Variants in WASF2 observed in about 807,000 individuals in gnomAD.
WASF2 encodes actin-binding protein WASF2.
WASF2 carries 14 observed loss-of-function variants against 45.0 expected under a neutral mutation model. The ratio of observed to expected loss-of-function variants is 0.31; its 90% CI spans 0.21 to 0.49. The LOEUF is 0.49. Ranked by LOEUF, WASF2 falls within the 20% of genes least tolerant of loss-of-function variation. The probability of loss-of-function intolerance (pLI) is 0.99; values close to 1 mark genes in which losing one functional copy is unlikely to be tolerated. For missense variants in WASF2, 439 were observed against 636.1 expected (o/e 0.69, Z 3.33); for synonymous variants, 200 against 236.3 (o/e 0.85, Z 1.41).
intron 1 of WASF2, among the ~76,000 whole-genome samples, chr1:27,469,298 T>C (rs553449511): frequency 1.2e-4 from 19 of 152,294 alleles, no homozygotes; most frequent in Non-Finnish European, 1.8e-4. Flanking sequence ...CCTCACTATA[T>C]CACCCTCTCC....
chr1:27,412,552 G>A lies in WASF2; in HGVS notation c.824+20C>T, dbSNP rs1222883421. ...AGTGTATAACTACCAATAGTGGATG[G>A]AGTAGGTACCACCATTTACCTGAAT... On this transcript the variant is annotated intron_variant, in intron 7 of 8. Transcript: ENST00000618852. 3.7e-6 allele frequency: 6 copies of A among 1,613,908 alleles called. No individual in the cohort carries two copies. The Admixed American group carries it at 1.0e-4, about 27-fold the overall frequency.
At chr1:27,415,076 A>C in intron 5 of WASF2, 113 bp from the exon 6 acceptor site, 2 of 1,327,230 alleles carry the variant, frequency 1.5e-6, no homozygotes, top group Non-Finnish European at 2.1e-6. Context: ...TAGACAACAT[A>C]CAATAACTAC....
At chr1:27,430,952 A>G (rs1032890809) in intron 1 of WASF2, among the ~76,000 whole-genome samples, 4 of 152,312 alleles carry the variant, frequency 2.6e-5, no homozygotes. Flanking sequence ...AAAGAGAAAA[A>G]AAAATCTTTC....
intron 1 of WASF2, among the ~76,000 whole-genome samples, chr1:27,465,951 C>G (rs542257201): frequency 1.3e-5 from 2 of 152,262 alleles, no homozygotes; most frequent in Admixed American, 6.5e-5. Context: ...TGAAGAACTT[C>G]CCACTGGTCC....
intron 1 of WASF2, among the ~76,000 whole-genome samples, chr1:27,472,705 G>A (rs1450977090): frequency 2.8e-5 from 4 of 143,850 alleles, no homozygotes; most frequent in Non-Finnish European, 6.0e-5. Flanking sequence ...GCTCATGCCT[G>A]TAACCCCAGC....
chr1:27,463,092 G>A (rs2017568869), intron 1 of WASF2, among the ~76,000 whole-genome samples: 1 of 152,146 alleles, frequency 6.6e-6, no homozygotes, highest in Non-Finnish European at 1.5e-5. Context: ...ATTGCTGGAA[G>A]TACAGGCATG....
intron 1 of WASF2, among the ~76,000 whole-genome samples, chr1:27,448,608 T>A (rs1452970531): frequency 1.3e-5 from 2 of 152,062 alleles, no homozygotes; most frequent in Non-Finnish European, 2.9e-5. Flanking sequence ...CCCAGCACTT[T>A]GGGAGGCCGA....
At chr1:27,464,097 C>T (rs1221250540) in intron 1 of WASF2, among the ~76,000 whole-genome samples, 3 of 151,854 alleles carry the variant, frequency 2.0e-5, no homozygotes, top group Non-Finnish European at 4.4e-5. Flanking sequence ...ACAGTACTTT[C>T]AGCTGGGCAT....
At chr1:27,452,617 G>C (rs2017399389) in intron 1 of WASF2, among the ~76,000 whole-genome samples, 1 of 151,636 alleles carries the variant, frequency 6.6e-6, no homozygotes, top group Admixed American at 6.6e-5. Context: ...AGGAGTTCGA[G>C]ACCAGCCTGG....
At position 27,481,934 on chromosome 1, in the gene WASF2, G is replaced by C. The variant is rs114691475; in HGVS notation, c.-44+8052C>G. On this transcript the variant is annotated intron_variant, in intron 1 of 8. Transcript: ENST00000618852. The stretch of plus-strand genomic sequence containing the variant: ...CATCATGAAAAGCAAATTTTTCTGA[G>C]ATACTTCTATATCTGAACATTATTT... Among the ~76,000 whole-genome samples, 732 of 152,182 alleles carry C rather than the reference G, an allele frequency of 4.8e-3. 4 individuals carry two copies. Among genetic ancestry groups the C allele is most frequent in the African/African-American group, 0.017 (700 of 41,520 alleles).
Position 27,405,164 on chromosome 1 carries a change from G to A in WASF2, c.*3025C>T, listed in dbSNP as rs1473033072. 6.6e-6 allele frequency: 1 copy of A among 152,238 alleles called. No homozygotes were observed. The highest frequency in any genetic ancestry group is 1.5e-5 in the Non-Finnish European group (1 of 68,060). The allele number at this position is 152,238 out of a possible 1,614,324, so 9.4% of individuals were successfully genotyped here. ...ACATTAGCCGTGACAACACCGCCTC[G>A]GCTCTGCGTTGACATTGGCCAGGGT... is the stretch of plus-strand genomic sequence containing the variant. On this transcript the variant is annotated 3_prime_UTR_variant, in exon 9 of 9. Transcript: ENST00000618852.
At chr1:27,435,022 C>T (rs1366228186) in intron 1 of WASF2, among the ~76,000 whole-genome samples, 1 of 152,106 alleles carries the variant, frequency 6.6e-6, no homozygotes, top group Non-Finnish European at 1.5e-5. Flanking sequence ...TCTCGGCTCA[C>T]CACAACCTCC....
In WASF2 at chr1:27,414,780, T is replaced by C; in HGVS notation, c.668+53A>G. ...GTGTCACACCAGAGCTGTCAGACTG[T>C]TGTCCCCAGCCCCTTCAAAGAATGC... On this transcript the variant is annotated intron_variant, in intron 6 of 8. Transcript: ENST00000618852. This position sits in a 1 kb window ranked among gnomAD's most constrained non-coding sequence, Gnocchi z 4.1. The C allele has an allele frequency of 6.3e-7, 1 of 1,597,898 alleles. No homozygotes were observed. The highest frequency in any genetic ancestry group is 1.1e-5 in the South Asian group (1 of 89,160).
At chr1:27,481,857 A>G (rs533546834) in intron 1 of WASF2, among the ~76,000 whole-genome samples, 50 of 152,376 alleles carry the variant, frequency 3.3e-4, no homozygotes, top group Non-Finnish European at 5.0e-4. Flanking sequence ...TATCACAGGC[A>G]AAGTTTAATA....
Position 27,440,188 on chromosome 1 carries a change from A to C in WASF2, c.-43-11255T>G, listed in dbSNP as rs141761266. ...ATGGGTTTCTACCATATTTCATCAA[A>C]TTTAGGATGCCACTGATTGAAAGAG... is the stretch of plus-strand genomic sequence containing the variant. On this transcript the variant is annotated intron_variant, in intron 1 of 8. Coordinates refer to ENST00000618852, the MANE Select transcript of WASF2 (RefSeq NM_006990.5). 1.1e-3 allele frequency among the ~76,000 whole-genome samples: 161 copies of C among 152,258 alleles called. 1 individual carries two copies. The highest frequency in any genetic ancestry group is 3.7e-3 in the African/African-American group (155 of 41,560).
intron 4 of WASF2, 45 bp downstream of exon 4, chr1:27,418,224 T>C: frequency 2.5e-6 from 4 of 1,578,690 alleles, no homozygotes; most frequent in Non-Finnish European, 3.4e-6. Flanking sequence ...AATCTAGCGT[T>C]ATTAAACCAT....
At chr1:27,453,823 A>G (rs890565535) in intron 1 of WASF2, among the ~76,000 whole-genome samples, 5 of 151,996 alleles carry the variant, frequency 3.3e-5, no homozygotes. Flanking sequence ...TGGGAGGCAG[A>G]GGTTGCAGTG....
At chr1:27,485,148 C>T (rs2017906571) in intron 1 of WASF2, among the ~76,000 whole-genome samples, 1 of 150,282 alleles carries the variant, frequency 6.7e-6, no homozygotes, top group African/African-American at 2.4e-5. Flanking sequence ...GAAACTTGGT[C>T]TCAAAAAAAA....
At chr1:27,444,287 C>T (rs138606464) in intron 1 of WASF2, among the ~76,000 whole-genome samples, 1 of 152,060 alleles carries the variant, frequency 6.6e-6, no homozygotes, top group Non-Finnish European at 1.5e-5. Flanking sequence ...ACTATGTTGC[C>T]CTGGTTGGTC....
Sources: gnomAD v4.1 joint callset for allele counts (sites outside exome capture counted in the v4.1 genomes callset) on GRCh38, gnomAD v4.1.1 for gene constraint, Gnocchi (gnomAD v3.1) non-coding constraint, MANE v1.5 for transcripts, NCBI Gene and HGNC (gene_info 2026-07-23, HGNC 2026-07-21) for gene names.